Variants in BDP1 observed in about 807,000 individuals in gnomAD.
BDP1 encodes transcription factor TFIIIB component B'' homolog.
In BDP1, 169 loss-of-function variants were observed where a neutral mutation model predicts 266.6. That is an observed-to-expected ratio of 0.63 (90% CI 0.56 to 0.72). BDP1 has a LOEUF of 0.72. BDP1 is among the 30% of genes least tolerant of loss of function. BDP1 has a pLI of 0.00. For synonymous variants in BDP1, 1,090 were observed against 1,022.4 expected, an observed-to-expected ratio of 1.07 and a Z score of -1.26; for missense variants, 3,015 against 3,053.8, an observed-to-expected ratio of 0.99 and a Z score of 0.30.
At chr5:71,491,442 C>G (rs758889046) in intron 11 of BDP1, among the ~76,000 whole-genome samples, 2 of 151,648 alleles carry the variant, frequency 1.3e-5, no homozygotes, top group African/African-American at 4.8e-5. Context: ...ATGATTTTCT[C>G]TATTTTTGGT....
At chr5:71,503,855 C>T (rs1436267096) in intron 15 of BDP1, among the ~76,000 whole-genome samples, 1 of 152,014 alleles carries the variant, frequency 6.6e-6, no homozygotes, top group African/African-American at 2.4e-5. Context: ...CCTATAGTCC[C>T]AGCTACTTGG....
intron 25 of BDP1, 64 bp from the exon 26 acceptor site, chr5:71,532,244 G>A: frequency 6.9e-7 from 1 of 1,447,552 alleles, no homozygotes; most frequent in Middle Eastern, 1.9e-4. Context: ...TCATGTTGAA[G>A]ATGAGGCTTT....
intron 8 of BDP1, 44 bp downstream of exon 8, chr5:71,483,940 T>TA (rs1763110013): frequency 6.9e-7 from 1 of 1,444,712 alleles, no homozygotes. Context: ...TTGAAGAGCC[T>TA]AAAAAATGAC....
At chr5:71,456,829 T>C (rs1761219991) in intron 1 of BDP1, among the ~76,000 whole-genome samples, 1 of 152,210 alleles carries the variant, frequency 6.6e-6, no homozygotes, top group Admixed American at 6.5e-5. Context: ...ATTTAAGACA[T>C]GTTAGGCTAA....
intron 21 of BDP1, among the ~76,000 whole-genome samples, chr5:71,516,622 G>T (rs1765236844): frequency 6.6e-6 from 1 of 152,060 alleles, no homozygotes; most frequent in Non-Finnish European, 1.5e-5. Flanking sequence ...AAACAATAAA[G>T]TCATTACGTA....
intron 24 of BDP1, among the ~76,000 whole-genome samples, chr5:71,523,328 G>A (rs1365193457): frequency 6.6e-6 from 1 of 151,426 alleles, no homozygotes; most frequent in African/African-American, 2.4e-5. Flanking sequence ...GTCTTTTTTT[G>A]TTTTTGAGAC....
At chr5:71,542,379 C>A in intron 30 of BDP1, 114 bp downstream of exon 30, 1 of 981,196 alleles carries the variant, frequency 1.0e-6, no homozygotes, top group Non-Finnish European at 1.5e-6. Flanking sequence ...AAAATAGTTT[C>A]AAATTAAAAA....
At chr5:71,494,969 A>G (rs770792862) in intron 11 of BDP1, 66 of 201,288 alleles carry the variant, frequency 3.3e-4, no homozygotes, top group Admixed American at 4.7e-4. Context: ...AAGTGCTGGG[A>G]TTACAGGCGT....
At position 71,462,938 on chromosome 5, in the gene BDP1, G is replaced by T. The variant is rs888413627; in HGVS notation, c.599+1012G>T. Among the ~76,000 whole-genome samples, 133 of 152,126 alleles carry T rather than the reference G, an allele frequency of 8.7e-4. 2 individuals carry two copies. The highest frequency in any genetic ancestry group is 1.6e-4 in the Non-Finnish European group (11 of 67,988). On this transcript the variant is annotated intron_variant, in intron 3 of 38. Transcript: ENST00000358731. The stretch of plus-strand genomic sequence containing the variant: ...GCTTGAGCCCAGGAGTTTGAGACCA[G>T]CCTGGGCAATGTAGTGAGACCCCAT...
At chr5:71,549,276 G>T (rs931471833) in intron 33 of BDP1, 144 bp from the exon 34 acceptor site, 2 of 690,304 alleles carry the variant, frequency 2.9e-6, no homozygotes, top group Middle Eastern at 4.2e-4. Flanking sequence ...TCCTCAGGCT[G>T]GGGGGTTGTT....
chr5:71,460,496 G>A (rs529153481), intron 2 of BDP1, among the ~76,000 whole-genome samples: 69 of 152,294 alleles, frequency 4.5e-4, no homozygotes, highest in Non-Finnish European at 7.1e-4. Flanking sequence ...TTAAGGGAAG[G>A]CATTTTGCTT....
Position 71,542,210 on chromosome 5 carries a change from T to C in BDP1, c.6357T>C (p.Tyr2119=). The change falls in exon 30 of 39, where the codon TAT becomes TAC. Residue 2119 remains tyrosine, a synonymous_variant. Coordinates refer to ENST00000358731, the MANE Select transcript of BDP1 (RefSeq NM_018429.3). ...TAGGGACCAACAGGCTTGATGATTATCAGGAAGTTTCCAGTTTGTGTGTAA... is the reference window on the plus strand; with the variant it reads ...TAGGGACCAACAGGCTTGATGATTACCAGGAAGTTTCCAGTTTGTGTGTAA... ...KTLGTNRLDD[Y]QEVSSLCVTK... 6.2e-7 allele frequency: 1 copy of C among 1,613,434 alleles called. No individual in the cohort carries two copies. The highest frequency in any genetic ancestry group is 8.5e-7 in the Non-Finnish European group (1 of 1,179,806).
chr5:71,509,368 G>C, intron 16 of BDP1, 97 bp from the exon 17 acceptor site: 2 of 1,329,304 alleles, frequency 1.5e-6, no homozygotes, highest in South Asian at 4.2e-5. Context: ...TTGAATTTGA[G>C]AGTTTCTGGT....
chr5:71,547,470 G>C (rs1360059932), intron 32 of BDP1, among the ~76,000 whole-genome samples: 1 of 152,100 alleles, frequency 6.6e-6, no homozygotes, highest in Non-Finnish European at 1.5e-5. Context: ...TGGTGATGCT[G>C]ACTGATCACT....
intron 22 of BDP1, among the ~76,000 whole-genome samples, chr5:71,519,679 A>T (rs887651953): frequency 1.3e-5 from 2 of 152,226 alleles, no homozygotes; most frequent in African/African-American, 4.8e-5. Context: ...CATTGTGTAT[A>T]TATACCACAC....
the BDP1 span, among the ~76,000 whole-genome samples, chr5:71,572,857 C>T: frequency 3.9e-5 from 6 of 152,192 alleles, no homozygotes; most frequent in Non-Finnish European, 5.9e-5. Flanking sequence ...ACCATTAGCT[C>T]CTTATTATTC....
chr5:71,529,404 T>C (rs1766098163), intron 25 of BDP1, among the ~76,000 whole-genome samples: 2 of 151,466 alleles, frequency 1.3e-5, no homozygotes, highest in African/African-American at 4.9e-5. Flanking sequence ...AACAAAAGCA[T>C]TGAAAGGCCA....
intron 31 of BDP1, among the ~76,000 whole-genome samples, 169 bp downstream of exon 31, chr5:71,544,676 G>A (rs183050476): frequency 1.3e-4 from 20 of 152,038 alleles, no homozygotes; most frequent in African/African-American, 4.8e-4. Context: ...TCAGGAGATC[G>A]AGACCATCCT....
intron 9 of BDP1, 136 bp downstream of exon 9, chr5:71,486,763 G>GT: frequency 1.5e-6 from 1 of 670,464 alleles, no homozygotes; most frequent in Admixed American, 4.0e-5. Flanking sequence ...GGGAGTATAT[G>GT]TTTTTTCAAT....
Sources: allele counts gnomAD v4.1 joint callset (sites outside exome capture counted in the v4.1 genomes callset), GRCh38; gene constraint gnomAD v4.1.1; transcripts MANE v1.5; gene names NCBI Gene and HGNC (gene_info 2026-07-23, HGNC 2026-07-21).